Variants in LMO1 observed in about 807,000 individuals in gnomAD.
The protein encoded by LMO1 is LIM domain only 1.
Under a neutral mutation model 18.0 loss-of-function variants are expected in LMO1, and 10 were observed. That is an observed-to-expected ratio of 0.55 (90% confidence interval 0.34 to 0.94). The LOEUF (loss-of-function observed/expected upper bound fraction) is 0.94. Ranked by LOEUF, LMO1 falls within the 40% of genes least tolerant of loss-of-function variation. The probability of loss-of-function intolerance (pLI) is 0.02; values close to 1 mark genes in which losing one functional copy is unlikely to be tolerated. For missense variants in LMO1, 183 were observed against 205.7 expected (o/e 0.89, Z 0.68); for synonymous variants, 77 against 77.9 (o/e 0.99, Z 0.06).
intron 1 of LMO1, among the ~76,000 whole-genome samples, chr11:8,256,165 T>C (rs1224730079): frequency 6.6e-6 from 1 of 152,202 alleles, no homozygotes; most frequent in Non-Finnish European, 1.5e-5. Flanking sequence ...TAATGATAGC[T>C]ATAGTGTTTT....
chr11:8,241,188 AT>A (rs776641797), intron 1 of LMO1, among the ~76,000 whole-genome samples: 1 of 151,702 alleles, frequency 6.6e-6, no homozygotes, highest in African/African-American at 2.4e-5. Flanking sequence ...CCACACTATC[AT>A]CCACCCAGCA....
chr11:8,252,853 C>G lies in LMO1; in HGVS notation c.25+10485G>C, dbSNP rs183280210. On this transcript the variant is annotated intron_variant, in intron 1 of 3. Transcript: ENST00000335790. ...GAACCAAGTAAAGATTACTGGTCCACAGCAACGAGAGAATAAGTAGGTATT... is the reference window on the plus strand; with the variant it reads ...GAACCAAGTAAAGATTACTGGTCCAGAGCAACGAGAGAATAAGTAGGTATT... Among the ~76,000 whole-genome samples, 304 of 152,384 alleles carry G rather than the reference C, an allele frequency of 2.0e-3. 1 individual carries two copies. Among genetic ancestry groups the G allele is most frequent in the Non-Finnish European group, 3.6e-3 (242 of 68,040 alleles).
At chr11:8,246,391 A>G (rs1358949541) in intron 1 of LMO1, among the ~76,000 whole-genome samples, 1 of 152,250 alleles carries the variant, frequency 6.6e-6, no homozygotes, top group Non-Finnish European at 1.5e-5. Context: ...CATATGCTAC[A>G]TCATGAAGGA....
chr11:8,228,053 C>A (rs1459382153), intron 2 of LMO1, among the ~76,000 whole-genome samples: 3 of 152,228 alleles, frequency 2.0e-5, no homozygotes, highest in African/African-American at 4.8e-5. Flanking sequence ...TTTCTCTGAA[C>A]CTCAGTTTAT....
chr11:8,260,631 G>A (rs1043594846), intron 1 of LMO1, among the ~76,000 whole-genome samples: 2 of 151,904 alleles, frequency 1.3e-5, no homozygotes, highest in African/African-American at 4.8e-5. Flanking sequence ...TCTTAAACCC[G>A]TTGCTACGGC....
At chr11:8,231,139 G>T (rs1286433681) in intron 1 of LMO1, among the ~76,000 whole-genome samples, 1 of 152,136 alleles carries the variant, frequency 6.6e-6, no homozygotes, top group Non-Finnish European at 1.5e-5. Flanking sequence ...GAATGCTTCA[G>T]GCGGTGTCAC....
intron 1 of LMO1, among the ~76,000 whole-genome samples, chr11:8,260,350 A>C (rs1012109689): frequency 2.6e-5 from 4 of 152,186 alleles, no homozygotes; most frequent in Non-Finnish European, 4.4e-5. Flanking sequence ...GTTGGAGCTC[A>C]GTTCCATTTC....
intron 2 of LMO1, among the ~76,000 whole-genome samples, chr11:8,229,527 C>T (rs772212627): frequency 1.8e-4 from 27 of 152,228 alleles, no homozygotes; most frequent in Non-Finnish European, 3.8e-4. Context: ...CAAGGCCCTG[C>T]TTTGTGGCCT....
chr11:8,255,034 T>C (rs943145862), intron 1 of LMO1, among the ~76,000 whole-genome samples: 5 of 152,330 alleles, frequency 3.3e-5, no homozygotes, highest in South Asian at 4.1e-4. Context: ...GCCCCAATTC[T>C]CTACCCTTCC....
chr11:8,230,646 C>A, intron 1 of LMO1, 142 bp from the exon 2 acceptor site: 1 of 782,890 alleles, frequency 1.3e-6, no homozygotes, highest in South Asian at 1.7e-5. Flanking sequence ...CTCGCTTTCT[C>A]CCCAATAACC....
intron 1 of LMO1, among the ~76,000 whole-genome samples, chr11:8,256,061 G>A (rs944845220): frequency 1.4e-4 from 22 of 152,166 alleles, no homozygotes; most frequent in African/African-American, 4.3e-4. Flanking sequence ...TCCTGACCTC[G>A]TGATCCTCCC....
chr11:8,236,373 A>AT (rs773704821), intron 1 of LMO1, among the ~76,000 whole-genome samples: 3,742 of 144,174 alleles, frequency 0.026, 134 homozygotes, highest in African/African-American at 0.066. Flanking sequence ...GGGGGGAGGA[A>AT]TTTTTTTTTT....
intron 1 of LMO1, among the ~76,000 whole-genome samples, chr11:8,238,488 G>A (rs1395026846): frequency 6.6e-6 from 1 of 152,062 alleles, no homozygotes; most frequent in Non-Finnish European, 1.5e-5. Flanking sequence ...TGGCTAACAC[G>A]GTGAAACCCC....
intron 1 of LMO1, among the ~76,000 whole-genome samples, chr11:8,246,039 G>T (rs780668236): frequency 6.6e-6 from 1 of 152,066 alleles, no homozygotes; most frequent in Non-Finnish European, 1.5e-5. Flanking sequence ...ATCACCAAGC[G>T]GATAGTGCTA....
At chr11:8,263,934 T>G, upstream of LMO1, 6 of 957,662 alleles carry the variant, frequency 6.3e-6, no homozygotes, top group Non-Finnish European at 7.5e-6. Flanking sequence ...GCCTCCACCC[T>G]CCCGGGTTAA....
chr11:8,259,808 G>A (rs541929874), intron 1 of LMO1, among the ~76,000 whole-genome samples: 2 of 152,332 alleles, frequency 1.3e-5, no homozygotes, highest in South Asian at 2.1e-4. Context: ...CGGCTCTGGT[G>A]GATTAACTGA....
chr11:8,263,328 C>T lies in LMO1; in HGVS notation c.25+10G>A, dbSNP rs747180641. On this transcript the variant is annotated intron_variant, in intron 1 of 3. Transcript: ENST00000335790. ...GGTGAGGGGCGTCGAGACCCCGGCC[C>T]GCCACCTACCGTCCTCCTTGTCCAG... is the stretch of plus-strand genomic sequence containing the variant. 2 of 1,599,038 alleles carry T rather than the reference C, an allele frequency of 1.3e-6. No homozygotes were observed. The highest frequency in any genetic ancestry group is 1.7e-6 in the Non-Finnish European group (2 of 1,177,346).
At chr11:8,229,333 T>C (rs539315088) in intron 2 of LMO1, among the ~76,000 whole-genome samples, 27 of 152,158 alleles carry the variant, frequency 1.8e-4, no homozygotes, top group Non-Finnish European at 3.4e-4. Context: ...AAAGGATCTT[T>C]GGGGAATTGA....
intron 1 of LMO1, among the ~76,000 whole-genome samples, chr11:8,246,256 A>G (rs569949032): frequency 6.6e-6 from 1 of 152,236 alleles, no homozygotes; most frequent in South Asian, 2.1e-4. Context: ...TCCTAGCAGC[A>G]TTACTCACAA....
Sources: gnomAD v4.1 joint callset for allele counts (sites outside exome capture counted in the v4.1 genomes callset) on GRCh38, gnomAD v4.1.1 for gene constraint, MANE v1.5 for transcripts, NCBI Gene and HGNC (gene_info 2026-07-23, HGNC 2026-07-21) for gene names.